Variants in FBXL17 observed in about 807,000 individuals in gnomAD.
The protein encoded by FBXL17 is F-box and leucine rich repeat protein 17, also known as F-box/LRR-repeat protein 17.
FBXL17 carries 22 observed loss-of-function variants against 66.2 expected under a neutral mutation model. The observed-to-expected ratio is 0.33, with a 90% confidence interval of 0.24 to 0.47. The LOEUF is 0.47. Among genes scored for constraint, FBXL17 ranks in the 20% least tolerant of loss-of-function variants. The pLI is 1.00. For missense variants in FBXL17, 878 were observed against 948.2 expected (o/e 0.93, Z 0.97); for synonymous variants, 474 against 400.5 (o/e 1.18, Z -2.19).
At chr5:108,360,398 TTAAA>T (rs1189464050) in intron 3 of FBXL17, among the ~76,000 whole-genome samples, 1 of 152,134 alleles carries the variant, frequency 6.6e-6, no homozygotes, top group African/African-American at 2.4e-5. Flanking sequence ...TTTCGACACT[TTAAA>T]TATTGTTAGC....
rs566171164 is a variant in FBXL17, at chr5:108,073,351, T to C, written c.1746-52350A>G. ...CCTGCTTAGTTTCTGAAAAGAAACA[T>C]GACTTGAGTCATGTTTCATTTTATT... On this transcript the variant is annotated intron_variant, in intron 6 of 8. Coordinates refer to ENST00000542267, the MANE Select transcript of FBXL17 (RefSeq NM_001163315.3). 1.2e-3 allele frequency among the ~76,000 whole-genome samples: 180 copies of C among 152,194 alleles called. 2 individuals are homozygous for C. The highest frequency in any genetic ancestry group is 3.4e-3 in the Middle Eastern group (1 of 294).
At chr5:108,106,106 T>A (rs1334170726) in intron 6 of FBXL17, among the ~76,000 whole-genome samples, 4 of 152,160 alleles carry the variant, frequency 2.6e-5, no homozygotes, top group Non-Finnish European at 5.9e-5. Flanking sequence ...CACCAATTCT[T>A]CTAAGTTTAG....
At chr5:107,944,066 C>A (rs1751203615) in intron 7 of FBXL17, among the ~76,000 whole-genome samples, 1 of 152,162 alleles carries the variant, frequency 6.6e-6, no homozygotes, top group Admixed American at 6.5e-5. Flanking sequence ...GTGAATAATT[C>A]ATTTTCATCC....
intron 4 of FBXL17, among the ~76,000 whole-genome samples, chr5:108,265,243 T>C (rs1041754115): frequency 6.6e-6 from 1 of 151,982 alleles, no homozygotes; most frequent in Non-Finnish European, 1.5e-5. Context: ...TTCTACCTAA[T>C]CGGATAGAAC....
intron 6 of FBXL17, among the ~76,000 whole-genome samples, chr5:108,171,392 G>C (rs946604665): frequency 6.6e-6 from 1 of 152,144 alleles, no homozygotes; most frequent in African/African-American, 2.4e-5. Context: ...TCCTGGCTCT[G>C]CACTTGCTAT....
chr5:107,917,939 C>A (rs958984744), intron 7 of FBXL17, among the ~76,000 whole-genome samples: 6 of 152,138 alleles, frequency 3.9e-5, no homozygotes, highest in Non-Finnish European at 5.9e-5. Flanking sequence ...ATTGAATTTA[C>A]CTTCCACTGG....
At position 108,289,092 on chromosome 5, in the gene FBXL17, C is replaced by T. The variant is rs116740513; in HGVS notation, c.1506+59307G>A. Among the ~76,000 whole-genome samples the T allele has an allele frequency of 1.9e-4, 29 of 152,164 alleles. 1 individual carries two copies. The highest frequency in any genetic ancestry group is 3.1e-4 in the Non-Finnish European group (21 of 67,964). On this transcript the variant is annotated intron_variant, in intron 4 of 8. Transcript: ENST00000542267. ...CACCTCTACTTACTAGTAATGACAT[C>T]ATGGGTAAATGAAAGCTCTTAGCGA...
rs541564713 is a variant in FBXL17, at chr5:108,261,345, C to T, written c.1507-37117G>A. On this transcript the variant is annotated intron_variant, in intron 4 of 8. Transcript: ENST00000542267. ...GAACTAAAAAAGAAAGATCAAAGAT[C>T]TCAGAATGGAAAAATTAATAGGACA... Among the ~76,000 whole-genome samples, 20 of 152,070 alleles carry T rather than the reference C, an allele frequency of 1.3e-4. No individual in the cohort carries two copies. In the South Asian group the frequency reaches 4.2e-3, roughly 32 times the overall value.
At chr5:108,272,478 C>A (rs1240503127) in intron 4 of FBXL17, among the ~76,000 whole-genome samples, 3 of 151,662 alleles carry the variant, frequency 2.0e-5, no homozygotes. Flanking sequence ...CTCAGCCTCC[C>A]AAGTAGCTGG....
At position 107,894,005 on chromosome 5, in the gene FBXL17, G is replaced by C. The variant is rs140221901; in HGVS notation, c.1823-12826C>G. On this transcript the variant is annotated intron_variant, in intron 7 of 8. Transcript: ENST00000542267. Reference sequence around the variant, plus strand: ...AACAGTTGTTAATACCAAGCAAATAGAGTAAATTAGATTTATTAAAAAGAG... The same window carrying C: ...AACAGTTGTTAATACCAAGCAAATACAGTAAATTAGATTTATTAAAAAGAG... Among the ~76,000 whole-genome samples, 1,179 of 152,282 alleles carry C rather than the reference G, an allele frequency of 7.7e-3. 14 individuals are homozygous for C. The highest frequency in any genetic ancestry group is 0.027 in the African/African-American group (1,118 of 41,556).
intron 4 of FBXL17, chr5:108,297,606 C>A (rs564372368): frequency 1.9e-5 from 3 of 157,958 alleles, no homozygotes; most frequent in Admixed American, 6.6e-5. Context: ...ATACCTTCAA[C>A]GAGAATTTTA....
At chr5:108,058,258 T>C (rs1334145133) in intron 6 of FBXL17, among the ~76,000 whole-genome samples, 1 of 152,246 alleles carries the variant, frequency 6.6e-6, no homozygotes, top group Admixed American at 6.5e-5. Context: ...TGATTTATTA[T>C]ATCTAAGTGG....
At chr5:107,990,169 T>A (rs547965157) in intron 7 of FBXL17, among the ~76,000 whole-genome samples, 1 of 152,298 alleles carries the variant, frequency 6.6e-6, no homozygotes, top group Admixed American at 6.5e-5. Context: ...AAATTCAAGA[T>A]CCCTAACATT....
chr5:107,892,345 T>C (rs1417105863), intron 7 of FBXL17, among the ~76,000 whole-genome samples: 1 of 152,120 alleles, frequency 6.6e-6, no homozygotes, highest in Non-Finnish European at 1.5e-5. Context: ...ATTCTAAAAA[T>C]ATTTATTGGG....
intron 1 of FBXL17, among the ~76,000 whole-genome samples, chr5:108,380,224 T>C (rs1023740127): frequency 1.3e-5 from 2 of 152,108 alleles, no homozygotes; most frequent in Non-Finnish European, 2.9e-5. Context: ...AATGGGATAT[T>C]ATATATATAA....
intron 6 of FBXL17, among the ~76,000 whole-genome samples, chr5:108,163,399 C>CTCT (rs1554071044): frequency 3.9e-5 from 5 of 129,540 alleles, no homozygotes; most frequent in African/African-American, 1.7e-4. Flanking sequence ...TTTTTTTTTT[C>CTCT]TTTTTTTTTT....
chr5:107,889,322 A>T (rs1312491277), intron 7 of FBXL17, among the ~76,000 whole-genome samples: 1 of 152,222 alleles, frequency 6.6e-6, no homozygotes, highest in Non-Finnish European at 1.5e-5. Context: ...AAGGTTATAG[A>T]AAATGTTGCA....
chr5:108,202,337 A>G (rs1753931463), intron 5 of FBXL17, among the ~76,000 whole-genome samples: 1 of 152,148 alleles, frequency 6.6e-6, no homozygotes, highest in South Asian at 2.1e-4. Flanking sequence ...TTACAACTAG[A>G]GTGTAAGTAA....
At chr5:108,158,497 GTGTGTGTGTGTC>G (rs1340190375) in intron 6 of FBXL17, among the ~76,000 whole-genome samples, 2 of 110,518 alleles carry the variant, frequency 1.8e-5, no homozygotes, top group East Asian at 3.6e-4. Flanking sequence ...AGTGGGGCGT[GTGTGTGTGTGTC>G]TGTGTGTGTG....
Sources: allele counts gnomAD v4.1 joint callset (sites outside exome capture counted in the v4.1 genomes callset), GRCh38; gene constraint gnomAD v4.1.1; transcripts MANE v1.5; gene names NCBI Gene and HGNC (gene_info 2026-07-23, HGNC 2026-07-21).